MAP3K5: variants seen among roughly 807,000 people sequenced by gnomAD.
The protein encoded by MAP3K5 is ASK-1.
A neutral mutation model predicts 158.7 loss-of-function variants in MAP3K5; 56 were observed. That is an observed-to-expected ratio of 0.35 (90% confidence interval 0.28 to 0.44). MAP3K5 has a LOEUF of 0.44. Ranked by LOEUF, MAP3K5 falls within the 20% of genes least tolerant of loss-of-function variation. MAP3K5 has a pLI of 1.00. For missense variants in MAP3K5, 1,294 were observed against 1,674.8 expected, an observed-to-expected ratio of 0.77 and a Z score of 3.97; for synonymous variants, 579 against 601.7, an observed-to-expected ratio of 0.96 and a Z score of 0.55.
At chr6:136,563,342 G>A (rs555378949) in intron 26 of MAP3K5, among the ~76,000 whole-genome samples, 8 of 152,264 alleles carry the variant, frequency 5.3e-5, no homozygotes, top group African/African-American at 1.7e-4. Context: ...GTTGGCAAAT[G>A]TGCATAATTT....
chr6:136,593,805 T>C (rs1775503752), intron 21 of MAP3K5: 2 of 382,528 alleles, frequency 5.2e-6, no homozygotes, highest in Non-Finnish European at 1.0e-5. Context: ...TAATAAAGAA[T>C]GAAGGTATAA....
chr6:136,558,367 A>C (rs1037882004), intron 29 of MAP3K5, among the ~76,000 whole-genome samples: 2 of 151,364 alleles, frequency 1.3e-5, no homozygotes, highest in Non-Finnish European at 2.9e-5. Context: ...TGACAGAGTG[A>C]GACTCCATCC....
At chr6:136,634,977 C>T (rs60512875) in intron 14 of MAP3K5, among the ~76,000 whole-genome samples, 5,368 of 151,636 alleles carry the variant, frequency 0.035, 321 homozygotes, top group African/African-American at 0.12. Flanking sequence ...CTCTGCCTCC[C>T]GAGTTCAAGT....
chr6:136,645,059 G>T (rs904354224), intron 11 of MAP3K5, among the ~76,000 whole-genome samples: 5 of 152,078 alleles, frequency 3.3e-5, no homozygotes, highest in Admixed American at 2.6e-4. Context: ...CTCCCAAGCA[G>T]CTGGGACTAC....
intron 14 of MAP3K5, among the ~76,000 whole-genome samples, chr6:136,632,665 C>A (rs185977370): frequency 1.3e-5 from 2 of 152,030 alleles, no homozygotes; most frequent in Admixed American, 6.5e-5. Context: ...GGGGAGTGAC[C>A]AAGAAGATGA....
At chr6:136,619,561 T>C (rs1776712907) in intron 15 of MAP3K5, among the ~76,000 whole-genome samples, 1 of 152,136 alleles carries the variant, frequency 6.6e-6, no homozygotes, top group Non-Finnish European at 1.5e-5. Context: ...GAGTAGTCCA[T>C]TTGTTACAAC....
chr6:136,694,805 TTATC>T (rs1780532699), intron 6 of MAP3K5, among the ~76,000 whole-genome samples: 1 of 152,218 alleles, frequency 6.6e-6, no homozygotes, highest in Non-Finnish European at 1.5e-5. Context: ...GACTAACTGA[TTATC>T]TAAGGAAGTT....
chr6:136,751,835 G>A (rs1031468918), intron 1 of MAP3K5, among the ~76,000 whole-genome samples: 11 of 152,116 alleles, frequency 7.2e-5, no homozygotes, highest in African/African-American at 2.2e-4. Flanking sequence ...TTAAAAGAAC[G>A]AAGCCAAGCC....
rs1785102130 is a variant in MAP3K5, at chr6:136,792,050, C to T, written c.108G>A (p.Ala36=). 1 of 1,549,654 alleles carries T rather than the reference C, an allele frequency of 6.5e-7. No homozygotes were observed. The highest frequency in any genetic ancestry group is 8.7e-7 in the Non-Finnish European group (1 of 1,155,648). The change falls in exon 1 of 30, where the codon GCG becomes GCA. Residue 36 remains alanine, a synonymous_variant. Transcript: ENST00000359015. The surrounding 1 kb of genome is among the most constrained non-coding windows in gnomAD (Gnocchi z 5.7). ...GGTGCTCCTCGCCCTCGCCCACCGC[C>T]GCCGCTCCTCCCCTCCTGCAGATGC... The part of the protein sequence containing the change: ...EGGICRRGGA[A]AVGEGEEHQL...
In MAP3K5 at chr6:136,791,846, T is replaced by G; in HGVS notation, c.312A>C (p.Gln104His). The change falls in exon 1 of 30, where the codon CAA (glutamine) becomes CAC (histidine). Residue 104 changes from glutamine (Q) to histidine (H), a missense_variant. Coordinates refer to ENST00000359015, the MANE Select transcript of MAP3K5 (RefSeq NM_005923.4). ...GGGCCTCGCTCTCGGCCACCACCAG[T>G]TGCCCTTGGCTCGCTTCGTTGATCA... ...AYVINEASQG[Q>H]LVVAESEALQ... The G allele has an allele frequency of 6.2e-7, 1 of 1,613,856 alleles. No homozygotes were observed. The highest frequency in any genetic ancestry group is 1.3e-5 in the African/African-American group (1 of 75,068).
chr6:136,709,551 G>A (rs1220295386), intron 2 of MAP3K5, among the ~76,000 whole-genome samples: 1 of 152,146 alleles, frequency 6.6e-6, no homozygotes, highest in Non-Finnish European at 1.5e-5. Context: ...AGAAATGGAA[G>A]TGGCAGGGAA....
chr6:136,615,199 T>C (rs1481989167), intron 15 of MAP3K5, among the ~76,000 whole-genome samples: 2 of 152,232 alleles, frequency 1.3e-5, no homozygotes, highest in East Asian at 3.8e-4. Context: ...AATTGGCTTT[T>C]ATTCATGATT....
At chr6:136,582,062 A>G (rs1366347108) in intron 24 of MAP3K5, among the ~76,000 whole-genome samples, 1 of 152,052 alleles carries the variant, frequency 6.6e-6, no homozygotes, top group African/African-American at 2.4e-5. Flanking sequence ...CAGCCTAGCC[A>G]ACAGAGGGAG....
chr6:136,595,176 G>A (rs895908642), intron 21 of MAP3K5, among the ~76,000 whole-genome samples: 6 of 152,130 alleles, frequency 3.9e-5, no homozygotes, highest in Non-Finnish European at 7.3e-5. Context: ...GGAGTGCAGT[G>A]GCATGATCTT....
intron 10 of MAP3K5, among the ~76,000 whole-genome samples, chr6:136,655,023 C>G (rs1275500005): frequency 6.6e-6 from 1 of 152,090 alleles, no homozygotes; most frequent in African/African-American, 2.4e-5. Context: ...TCAATATTTT[C>G]TGGTTTATTT....
intron 1 of MAP3K5, among the ~76,000 whole-genome samples, chr6:136,749,663 T>C (rs189430443): frequency 2.8e-4 from 43 of 152,218 alleles, no homozygotes; most frequent in African/African-American, 1.0e-3. Flanking sequence ...TACCACGAAC[T>C]TAAAATCTGT....
In MAP3K5 at chr6:136,739,853, C is replaced by A. The variant is rs532409503; in HGVS notation, c.449-19264G>T. Among the ~76,000 whole-genome samples, 7 of 152,328 alleles carry A rather than the reference C, an allele frequency of 4.6e-5. No individual in the cohort carries two copies. The South Asian group carries it at 1.4e-3, about 32-fold the overall frequency. ...CATTGTCATTTCTAGTAGATCCCCC[C>A]ATTCATTCTCAAGTGTCCTGGTTGG... On this transcript the variant is annotated intron_variant, in intron 1 of 29. Coordinates refer to ENST00000359015, the MANE Select transcript of MAP3K5 (RefSeq NM_005923.4).
chr6:136,585,473 C>CTTTCTTTATTTATTTA (rs562356592), intron 23 of MAP3K5, among the ~76,000 whole-genome samples: 2 of 135,038 alleles, frequency 1.5e-5, no homozygotes, highest in African/African-American at 2.7e-5. Flanking sequence ...CTTTTCTTTT[C>CTTTCTTTATTTATTTA]TTTATTTATT....
intron 3 of MAP3K5, among the ~76,000 whole-genome samples, chr6:136,701,749 C>A (rs1302204535): frequency 6.6e-6 from 1 of 152,142 alleles, no homozygotes; most frequent in Non-Finnish European, 1.5e-5. Flanking sequence ...CTCAAAATTA[C>A]AAACGAAAAT....
Sources: allele counts gnomAD v4.1 joint callset (sites outside exome capture counted in the v4.1 genomes callset), GRCh38; gene constraint gnomAD v4.1.1; non-coding constraint Gnocchi (gnomAD v3.1); transcripts MANE v1.5; gene names NCBI Gene and HGNC (gene_info 2026-07-23, HGNC 2026-07-21).